Variants in TBX10 observed in about 807,000 individuals in gnomAD.
The protein encoded by TBX10 is T-box transcription factor TBX10.
Under a neutral mutation model 32.4 loss-of-function variants are expected in TBX10, and 26 were observed. The ratio of observed to expected loss-of-function variants is 0.80; its 90% CI spans 0.59 to 1.11. The LOEUF is 1.11. Ranked by LOEUF, TBX10 falls within the 50% of genes most tolerant of loss-of-function variation. The probability of loss-of-function intolerance (pLI) is 0.00; values close to 1 mark genes in which losing one functional copy is unlikely to be tolerated. For missense variants in TBX10, 490 were observed against 494.5 expected, an observed-to-expected ratio of 0.99 and a Z score of 0.09; for synonymous variants, 195 against 203.1, an observed-to-expected ratio of 0.96 and a Z score of 0.34.
Position 67,631,347 on chromosome 11 carries a change from AG to A in TBX10, c.*257del, listed in dbSNP as rs1175620717. On this transcript the variant is annotated 3_prime_UTR_variant, in exon 8 of 8. Coordinates refer to ENST00000335385, the MANE Select transcript of TBX10 (RefSeq NM_005995.5). ...GTTAGGGGGAAGGGAGAGGTAAGGC[AG>A]GGTTTTCGGGAGTTACCCCCAAAGC... 1.8e-6 allele frequency: 1 copy of A among 554,272 alleles called. No individual in the cohort carries two copies. The highest frequency in any genetic ancestry group is 3.2e-6 in the Non-Finnish European group (1 of 308,174). 34.3% of individuals were successfully genotyped at this position (554,272 alleles called of 1,614,324 possible).
chr11:67,632,911 G>T, intron 5 of TBX10, 37 bp downstream of exon 5: 1 of 1,614,110 alleles, frequency 6.2e-7, no homozygotes, highest in African/African-American at 1.3e-5. Context: ...CCTGTGAAAT[G>T]GGCCTGCAGC....
At position 67,631,809 on chromosome 11, in the gene TBX10, G is replaced by T. The variant is rs1159652529; in HGVS notation, c.954C>A (p.Ala318=). ...QLLPPPEVLL[A]PATYRPVTYQ... is the part of the protein sequence containing the mutation. ...ACGTGACAGGCCTGTAGGTGGCCGG[G>T]GCCAGCAGGACCTCAGGTGGGGGCA... Residue 318 remains alanine (A), a synonymous_variant, in exon 8 of 8, where the codon GCC becomes GCA. Coordinates refer to ENST00000335385, the MANE Select transcript of TBX10 (RefSeq NM_005995.5). 1 of 1,589,940 alleles carries T rather than the reference G, an allele frequency of 6.3e-7. No homozygotes were observed. The highest frequency in any genetic ancestry group is 1.3e-5 in the African/African-American group (1 of 74,758).
At position 67,632,633 on chromosome 11, in the gene TBX10, T is replaced by A; in HGVS notation, c.743A>T (p.Lys248Ile). The change falls in exon 6 of 8, where the codon AAA (lysine) becomes ATA (isoleucine). Residue 248 changes from lysine to isoleucine, a missense_variant. By Grantham distance (102) the Lys-to-Ile change is moderately radical. Transcript: ENST00000335385. ...GTCCAGGTCACTCTCTCTAAAGCCT[T>A]TGGCAAAAGGGTTGCTGGCGATTTT... ...QLKIASNPFA[K>I]GFRESDLDSW... 2.5e-6 allele frequency: 4 copies of A among 1,614,010 alleles called. No individual in the cohort carries two copies. Among genetic ancestry groups the A allele is most frequent in the Non-Finnish European group, 3.4e-6 (4 of 1,179,996 alleles).
intron 1 of TBX10, among the ~76,000 whole-genome samples, chr11:67,638,114 C>CA (rs1046969669): frequency 6.6e-6 from 1 of 152,016 alleles, no homozygotes; most frequent in African/African-American, 2.4e-5. Flanking sequence ...GGCTGAGACA[C>CA]AAGTGTCGCT....
rs945114355 is a variant in TBX10, at chr11:67,631,330, G to T, written c.*275C>A. ...ATGCCAAATAGTTTAATGTTAGGGG[G>T]AAGGGAGAGGTAAGGCAGGGTTTTC... On this transcript the variant is annotated 3_prime_UTR_variant, in exon 8 of 8. Transcript: ENST00000335385. 5.5e-5 allele frequency: 29 copies of T among 523,428 alleles called. No homozygotes were observed. Among genetic ancestry groups the T allele is most frequent in the Non-Finnish European group, 3.5e-6 (1 of 288,330 alleles). 32.4% of individuals were successfully genotyped at this position (523,428 alleles called of 1,614,324 possible).
Position 67,635,097 on chromosome 11 carries a change from C to T in TBX10, c.174G>A (p.Lys58=). ...AVAEPTGQGP[K]NPRVSRVTVQ... is the part of the protein sequence containing the mutation. Reference sequence around the variant, plus strand: ...CTGTCACTCTGGACACACGTGGGTTCTTGGGGCCCTGCCCAGTGGGCTCGG... The same window carrying T: ...CTGTCACTCTGGACACACGTGGGTTTTTGGGGCCCTGCCCAGTGGGCTCGG... The change falls in exon 2 of 8, where the codon AAG becomes AAA. Residue 58 remains lysine, a synonymous_variant. Coordinates refer to ENST00000335385, the MANE Select transcript of TBX10 (RefSeq NM_005995.5). 6.2e-7 allele frequency: 1 copy of T among 1,613,882 alleles called. No homozygotes were observed. The highest frequency in any genetic ancestry group is 1.3e-5 in the African/African-American group (1 of 75,070).
chr11:67,634,250 C>A lies in TBX10; in HGVS notation c.488G>T (p.Arg163Leu). ...GAGCTTGTCAAAGGACACAATCTGG[C>A]GCATCCACTGGGCACCCTTGGCTGG... ...DSPAKGAQWM[R>L]QIVSFDKLKL... The change falls in exon 4 of 8, where the codon CGC becomes CTC. Residue 163 changes from arginine to leucine, a missense_variant. Arg to Leu is a moderately radical substitution (Grantham distance 102). This residue lies in a region of TBX10 where 307 missense variants were observed against 294.9 expected (regional missense o/e 1.04). Coordinates refer to ENST00000335385, the MANE Select transcript of TBX10 (RefSeq NM_005995.5). The A allele has an allele frequency of 6.2e-7, 1 of 1,613,166 alleles. No individual in the cohort carries two copies.
At chr11:67,638,604 G>C (rs996832871) in intron 1 of TBX10, among the ~76,000 whole-genome samples, 1 of 152,238 alleles carries the variant, frequency 6.6e-6, no homozygotes, top group Non-Finnish European at 1.5e-5. Context: ...CACCTGGCCA[G>C]GGTGAGCTCT....
At chr11:67,640,015 C>T (rs756137871), upstream of TBX10, among the ~76,000 whole-genome samples, 8 of 152,192 alleles carry the variant, frequency 5.3e-5, no homozygotes, top group Non-Finnish European at 1.0e-4. Flanking sequence ...TTGGGAGGCA[C>T]AGTGGGAGCA....
Position 67,635,237 on chromosome 11 carries a change from G to C in TBX10, c.34C>G (p.Leu12Val). 6.2e-7 allele frequency: 1 copy of C among 1,613,592 alleles called. No individual in the cohort carries two copies. Among genetic ancestry groups the C allele is most frequent in the East Asian group, 2.2e-5 (1 of 44,876 alleles). Residue 12 changes from leucine to valine, a missense_variant, in exon 2 of 8, where the codon CTT becomes GTT. Leu to Val is a conservative substitution (Grantham distance 32, BLOSUM62 1). Transcript: ENST00000335385. ...AGGGGGTAGGTCTCTGAGGGTGCAA[G>C]TATGCCGAGGCCAGCAGATAGGAAG... Reference protein sequence around the residue: ...AAFLSAGLGILAPSETYPLPT... With the variant: ...AAFLSAGLGIVAPSETYPLPT...
intron 1 of TBX10, among the ~76,000 whole-genome samples, chr11:67,637,831 G>A (rs1473737018): frequency 6.6e-6 from 1 of 152,122 alleles, no homozygotes; most frequent in South Asian, 2.1e-4. Context: ...TAATTAGATG[G>A]CAGGAAAGTC....
intron 1 of TBX10, among the ~76,000 whole-genome samples, chr11:67,637,088 G>A (rs1591125798): frequency 6.6e-6 from 1 of 152,180 alleles, no homozygotes; most frequent in Non-Finnish European, 1.5e-5. Flanking sequence ...GACACCAAAG[G>A]ACAAATACCA....
intron 1 of TBX10, among the ~76,000 whole-genome samples, chr11:67,637,122 C>G (rs527913243): frequency 6.6e-6 from 1 of 152,176 alleles, no homozygotes; most frequent in African/African-American, 2.4e-5. Context: ...ATAGGCCGTA[C>G]GTGGTGAGGC....
chr11:67,632,442 G>T (rs778435837), intron 6 of TBX10, 30 bp from the exon 7 acceptor site: 1 of 1,604,474 alleles, frequency 6.2e-7, no homozygotes. Flanking sequence ...TGGGGGGAGG[G>T]GATCAAGGGG....
At chr11:67,636,791 C>T (rs1038967493) in intron 1 of TBX10, among the ~76,000 whole-genome samples, 1 of 152,220 alleles carries the variant, frequency 6.6e-6, no homozygotes, top group Non-Finnish European at 1.5e-5. Flanking sequence ...AGCCATCATG[C>T]CCAGCCTAGA....
chr11:67,634,141 CA>C lies in TBX10; in HGVS notation c.549+47del, dbSNP rs750241409. On this transcript the variant is annotated intron_variant, in intron 4 of 7. Coordinates refer to ENST00000335385, the MANE Select transcript of TBX10 (RefSeq NM_005995.5). ...GGCCATTGGACACCAAAGTCCCTACCAGCCCTGACCCCAGGCCCTTCCGTCC... is the reference window on the plus strand; with the variant it reads ...GGCCATTGGACACCAAAGTCCCTACCGCCCTGACCCCAGGCCCTTCCGTCC... 2.5e-6 allele frequency: 4 copies of C among 1,605,846 alleles called. No homozygotes were observed. The Admixed American group carries it at 6.7e-5, about 27-fold the overall frequency.
chr11:67,639,393 T>TTGCCCCCGGG, intron 1 of TBX10, 73 bp downstream of exon 1: 1 of 726,926 alleles, frequency 1.4e-6, no homozygotes, highest in Non-Finnish European at 2.5e-6. Flanking sequence ...CTGTCTTGGT[T>TTGCCCCCGGG]CCCACCCTGC....
intron 1 of TBX10, among the ~76,000 whole-genome samples, chr11:67,637,273 C>A (rs1215981177): frequency 6.6e-6 from 1 of 152,162 alleles, no homozygotes; most frequent in Non-Finnish European, 1.5e-5. Flanking sequence ...GATGGTTGCA[C>A]AACAGTGTTG....
intron 1 of TBX10, 73 bp downstream of exon 1, chr11:67,639,393 T>TTCCCCCCCCCCCCCCCCCCCCCCCCCC: frequency 1.4e-6 from 1 of 726,926 alleles, no homozygotes; most frequent in Non-Finnish European, 2.5e-6. Flanking sequence ...CTGTCTTGGT[T>TTCCCCCCCCCCCCCCCCCCCCCCCCCC]CCCACCCTGC....
Sources: gnomAD v4.1 joint callset for allele counts (sites outside exome capture counted in the v4.1 genomes callset) on GRCh38, gnomAD v4.1.1 for gene constraint, gnomAD v4.1.1 regional missense constraint, MANE v1.5 for transcripts, NCBI Gene and HGNC (gene_info 2026-07-23, HGNC 2026-07-21) for gene names.